The following BLTP2 variants were observed in gnomAD, a reference collection of about 807,000 sequenced individuals.
BLTP2 encodes U937-associated antigen.
the BLTP2 span, chr17:28,641,912 G>A: frequency 1.2e-6 from 2 of 1,613,540 alleles, no homozygotes; most frequent in Non-Finnish European, 1.7e-6. Flanking sequence ...AGGCTTAGAT[G>A]CTAGGCTTGG....
At chr17:28,636,079 A>C in the BLTP2 span, 1 of 155,254 alleles carries the variant, frequency 6.4e-6, no homozygotes, top group Non-Finnish European at 1.4e-5. Context: ...ATAATAAAGT[A>C]CTGAGCACAC....
At chr17:28,623,648 T>C in the BLTP2 span, 1 of 870,834 alleles carries the variant, frequency 1.1e-6, no homozygotes, top group Non-Finnish European at 1.8e-6. Context: ...GTTATTAGCC[T>C]CATTATTCTG....
chr17:28,639,640 C>T, the BLTP2 span: 3 of 1,613,830 alleles, frequency 1.9e-6, no homozygotes, highest in Non-Finnish European at 8.5e-7. Flanking sequence ...AACAACAACC[C>T]ATCTGTAAGA....
the BLTP2 span, chr17:28,620,200 G>A: frequency 3.0e-6 from 2 of 655,764 alleles, no homozygotes; most frequent in Non-Finnish European, 5.1e-6. Flanking sequence ...TTCACAATAG[G>A]TCAGGCCCAA....
the BLTP2 span, chr17:28,615,251 C>A: frequency 6.2e-7 from 1 of 1,600,136 alleles, no homozygotes. Flanking sequence ...GATTACCTGG[C>A]AGATTGGAGA....
At chr17:28,632,128 T>G in the BLTP2 span, 1 of 1,614,240 alleles carries the variant, frequency 6.2e-7, no homozygotes, top group Non-Finnish European at 8.5e-7. Context: ...TTTCAGGTTA[T>G]TGAAGAGCTT....
At chr17:28,640,095 T>C in the BLTP2 span, 1 of 1,566,910 alleles carries the variant, frequency 6.4e-7, no homozygotes, top group Non-Finnish European at 8.6e-7. Context: ...TTTTATTTTT[T>C]AAAAGTAATT....
At chr17:28,637,665 TTTAC>T in the BLTP2 span, among the ~76,000 whole-genome samples, 1 of 152,168 alleles carries the variant, frequency 6.6e-6, no homozygotes, top group Non-Finnish European at 1.5e-5. Context: ...AGTATATTTA[TTTAC>T]TTATTTTATT....
the BLTP2 span, chr17:28,624,229 G>A: frequency 2.2e-5 from 35 of 1,613,114 alleles, no homozygotes; most frequent in Admixed American, 5.2e-4. Context: ...TAAAGAGAAG[G>A]TACCTGACAG....
chr17:28,633,077 G>C, the BLTP2 span: 2 of 1,591,634 alleles, frequency 1.3e-6, no homozygotes, highest in East Asian at 2.2e-5. Flanking sequence ...ACACTATGGT[G>C]ATCATGGGGG....
At chr17:28,637,067 C>T in the BLTP2 span, 10 of 1,613,988 alleles carry the variant, frequency 6.2e-6, no homozygotes, top group African/African-American at 8.0e-5. Context: ...GCATCTTCTC[C>T]GTGACTGATT....
At chr17:28,644,874 A>C in the BLTP2 span, 103 of 598,266 alleles carry the variant, frequency 1.7e-4, no homozygotes, top group East Asian at 2.4e-4. Context: ...CACCCTACCC[A>C]CTCTGCCTCA....
At chr17:28,642,195 C>T in the BLTP2 span, 5 of 1,584,008 alleles carry the variant, frequency 3.2e-6, no homozygotes, top group Admixed American at 5.0e-5. Flanking sequence ...GGTCAAAGAA[C>T]CTAGGATGTA....
chr17:28,636,603 G>C, the BLTP2 span, among the ~76,000 whole-genome samples: 1 of 152,164 alleles, frequency 6.6e-6, no homozygotes, highest in Non-Finnish European at 1.5e-5. Context: ...GGTAATTATT[G>C]AATCTTGGTA....
At chr17:28,634,385 C>G in the BLTP2 span, 2 of 840,610 alleles carry the variant, frequency 2.4e-6, no homozygotes, top group Middle Eastern at 3.3e-4. Flanking sequence ...GGAAGGGAAG[C>G]CCACCCATCC....
the BLTP2 span, chr17:28,618,623 A>G: frequency 5.5e-6 from 3 of 548,842 alleles, no homozygotes; most frequent in African/African-American, 5.6e-5. Flanking sequence ...TATCTAAGGA[A>G]GCTCTGCTCA....
chr17:28,643,391 T>C, the BLTP2 span: 1 of 1,558,364 alleles, frequency 6.4e-7, no homozygotes, highest in Admixed American at 1.7e-5. Flanking sequence ...ATTCACTTTC[T>C]CATCCTTCCT....
the BLTP2 span, chr17:28,639,343 A>G: frequency 6.2e-7 from 1 of 1,614,212 alleles, no homozygotes; most frequent in East Asian, 2.2e-5. Flanking sequence ...AGAACAGGTG[A>G]ACTAGACCCT....
At chr17:28,616,822 T>C in the BLTP2 span, 1 of 1,608,674 alleles carries the variant, frequency 6.2e-7, no homozygotes, top group South Asian at 1.1e-5. This position sits in a 1 kb window ranked among gnomAD's most constrained non-coding sequence, Gnocchi z 4.8. Context: ...ACTCCTAATA[T>C]CGTGTAACAC....
Sources: allele counts gnomAD v4.1 joint callset (sites outside exome capture counted in the v4.1 genomes callset), GRCh38; gene constraint gnomAD v4.1.1; non-coding constraint Gnocchi (gnomAD v3.1); transcripts MANE v1.5; gene names NCBI Gene and HGNC (gene_info 2026-07-23, HGNC 2026-07-21).